Variants in HHLA2 observed in about 807,000 individuals in gnomAD.
HHLA2 encodes the protein HERV-H LTR-associating protein 2.
A neutral mutation model predicts 45.9 loss-of-function variants in HHLA2; 48 were observed. That is an observed-to-expected ratio of 1.05 (90% CI 0.83 to 1.33). The LOEUF (loss-of-function observed/expected upper bound fraction) is 1.33, where lower values mean the gene tolerates loss of function less well. Ranked by LOEUF, HHLA2 falls within the 40% of genes most tolerant of loss-of-function variation. HHLA2 has a pLI of 0.00. For synonymous variants in HHLA2, 161 were observed against 173.9 expected (o/e 0.93, Z 0.59); for missense variants, 462 against 494.3 (o/e 0.93, Z 0.62).
At chr3:108,311,519 A>C (rs2081017761) in intron 2 of HHLA2, among the ~76,000 whole-genome samples, 1 of 152,130 alleles carries the variant, frequency 6.6e-6, no homozygotes, top group Non-Finnish European at 1.5e-5. Context: ...ATGGAGCTGC[A>C]TTCTTGATAC....
chr3:108,320,052 A>T (rs1473352771), intron 2 of HHLA2, among the ~76,000 whole-genome samples: 1 of 152,204 alleles, frequency 6.6e-6, no homozygotes, highest in Non-Finnish European at 1.5e-5. Flanking sequence ...CACTTATTTT[A>T]ATAAATTCTG....
chr3:108,377,310 C>A, exon 11 of HHLA2: 1 of 1,548,456 alleles, frequency 6.5e-7, no homozygotes, highest in Non-Finnish European at 8.9e-7. Flanking sequence ...AACTCATGAC[C>A]TGCATCCTTA....
At chr3:108,297,355 T>G (rs1046396740) in intron 1 of HHLA2, among the ~76,000 whole-genome samples, 1 of 152,220 alleles carries the variant, frequency 6.6e-6, no homozygotes, top group African/African-American at 2.4e-5. Flanking sequence ...CAAATTGGTG[T>G]CATATCCCAT....
At chr3:108,376,025 A>G (rs753520440) in intron 9 of HHLA2, among the ~76,000 whole-genome samples, 3 of 152,164 alleles carry the variant, frequency 2.0e-5, no homozygotes, top group Non-Finnish European at 4.4e-5. Flanking sequence ...TGTGGTTCAT[A>G]TGTTTTATTT....
intron 7 of HHLA2, among the ~76,000 whole-genome samples, chr3:108,360,297 G>A (rs1325339068): frequency 2.0e-5 from 3 of 152,036 alleles, no homozygotes; most frequent in Non-Finnish European, 2.9e-5. Context: ...GGCCATAACT[G>A]TTGTAGTTTG....
At position 108,377,150 on chromosome 3, in the gene HHLA2, GC is replaced by G. The variant is rs1461830026; in HGVS notation, c.1225-107del. 4 of 716,604 alleles carry G rather than the reference GC, an allele frequency of 5.6e-6. No homozygotes were observed. The African/African-American group carries it at 7.2e-5, about 13-fold the overall frequency. The allele number at this position is 716,604 out of a possible 1,614,324, so 44.4% of individuals were successfully genotyped here. A position where few individuals can be genotyped will look rare whatever the true frequency, so the allele number is the denominator to read the frequency against. The stretch of plus-strand genomic sequence containing the variant: ...TTTCAGATGCAAGCAATAGACTAAA[GC>G]TTTTTGCCGCCCACCCCAAAACACT... On this transcript the variant is annotated intron_variant, in intron 10 of 10. Coordinates refer to ENST00000619531, the Ensembl canonical transcript of HHLA2.
chr3:108,369,306 G>T (rs1576180885), intron 8 of HHLA2, among the ~76,000 whole-genome samples: 1 of 152,068 alleles, frequency 6.6e-6, no homozygotes, highest in East Asian at 1.9e-4. Flanking sequence ...ACATCACAAT[G>T]AAAAAAACTA....
intron 1 of HHLA2, among the ~76,000 whole-genome samples, chr3:108,308,726 C>T (rs1192999089): frequency 6.6e-6 from 1 of 152,142 alleles, no homozygotes; most frequent in African/African-American, 2.4e-5. Context: ...GAGATGATAT[C>T]TCATTATAGT....
intron 6 of HHLA2, among the ~76,000 whole-genome samples, chr3:108,356,238 G>A (rs1043893585): frequency 9.2e-5 from 14 of 151,846 alleles, no homozygotes; most frequent in African/African-American, 3.4e-4. Flanking sequence ...CACCATGTTG[G>A]TCAGGCTGGT....
At chr3:108,315,460 A>T (rs183734622) in intron 2 of HHLA2, among the ~76,000 whole-genome samples, 82 of 152,304 alleles carry the variant, frequency 5.4e-4, no homozygotes, top group Non-Finnish European at 6.8e-4. Context: ...GCCAATTAGG[A>T]TATGTTGCCT....
chr3:108,319,671 C>T (rs1226064834), intron 2 of HHLA2, among the ~76,000 whole-genome samples: 3 of 152,226 alleles, frequency 2.0e-5, no homozygotes, highest in African/African-American at 7.2e-5. Flanking sequence ...TATTCTAGTG[C>T]TAACTGCTCT....
intron 2 of HHLA2, among the ~76,000 whole-genome samples, chr3:108,315,534 G>C (rs549073934): frequency 6.6e-6 from 1 of 152,236 alleles, no homozygotes; most frequent in South Asian, 2.1e-4. Flanking sequence ...CTTGATTGAT[G>C]TTTGGCCCAG....
At chr3:108,361,874 TCTTA>T (rs2081989216) in intron 7 of HHLA2, among the ~76,000 whole-genome samples, 1 of 152,158 alleles carries the variant, frequency 6.6e-6, no homozygotes, top group African/African-American at 2.4e-5. Context: ...CAGACTGCAC[TCTTA>T]CTTCATCCTC....
chr3:108,354,634 T>G (rs1269073777), intron 5 of HHLA2, among the ~76,000 whole-genome samples: 2 of 152,220 alleles, frequency 1.3e-5, no homozygotes, highest in Admixed American at 1.3e-4. Context: ...CATGCAGTAT[T>G]TTCTAATGGG....
chr3:108,315,791 G>T (rs1376001926), intron 2 of HHLA2, among the ~76,000 whole-genome samples: 1 of 152,146 alleles, frequency 6.6e-6, no homozygotes, highest in Non-Finnish European at 1.5e-5. Flanking sequence ...GCTATACCTT[G>T]CGTTTTCTTT....
At chr3:108,371,882 C>CT in intron 8 of HHLA2, among the ~76,000 whole-genome samples, 1 of 152,156 alleles carries the variant, frequency 6.6e-6, no homozygotes, top group Non-Finnish European at 1.5e-5. Flanking sequence ...TAATGGGAGA[C>CT]TTTAACACCC....
intron 3 of HHLA2, among the ~76,000 whole-genome samples, chr3:108,347,931 TTTG>T (rs1239985665): frequency 1.3e-5 from 2 of 152,052 alleles, no homozygotes; most frequent in Non-Finnish European, 2.9e-5. Context: ...TTTCTGCTGT[TTTG>T]TTGTGTTTGG....
chr3:108,300,254 C>T (rs2080828491), intron 1 of HHLA2, among the ~76,000 whole-genome samples: 1 of 152,044 alleles, frequency 6.6e-6, no homozygotes, highest in Admixed American at 6.6e-5. Context: ...CATGAAGTAC[C>T]AGCTTTTGCA....
At chr3:108,343,695 A>C (rs926412029) in intron 3 of HHLA2, among the ~76,000 whole-genome samples, 2 of 152,194 alleles carry the variant, frequency 1.3e-5, no homozygotes, top group African/African-American at 4.8e-5. Context: ...TTGGGATATG[A>C]AAAGATGACA....
Sources: gnomAD v4.1 joint callset for allele counts (sites outside exome capture counted in the v4.1 genomes callset) on GRCh38, gnomAD v4.1.1 for gene constraint, MANE v1.5 for transcripts, NCBI Gene and HGNC (gene_info 2026-07-23, HGNC 2026-07-21) for gene names.